The following AGMO variants were observed in gnomAD, a reference collection of about 807,000 sequenced individuals.
AGMO encodes alkylglycerol monooxygenase.
AGMO carries 75 observed loss-of-function variants against 60.2 expected under a neutral mutation model. The observed-to-expected ratio is 1.25, with a 90% CI of 1.03 to 1.51. AGMO has a LOEUF of 1.51. Among genes scored for constraint, AGMO ranks in the 40% most tolerant of loss-of-function variants. The pLI, the probability that AGMO is intolerant of heterozygous loss-of-function variation, is 0.00. For missense variants in AGMO, 763 were observed against 525.5 expected (o/e 1.45, Z -4.42); for synonymous variants, 261 against 177.1 (o/e 1.47, Z -3.76).
At chr7:15,366,995 G>C (rs918338475) in intron 10 of AGMO, among the ~76,000 whole-genome samples, 1 of 151,966 alleles carries the variant, frequency 6.6e-6, no homozygotes, top group Non-Finnish European at 1.5e-5. Context: ...GCAGATACTA[G>C]AATTCTAATT....
chr7:15,402,506 A>G lies in AGMO; in HGVS notation c.610-8327T>C, dbSNP rs533459052. Among the ~76,000 whole-genome samples the G allele has an allele frequency of 9.7e-4, 147 of 150,986 alleles. 1 individual carries two copies. Among genetic ancestry groups the G allele is most frequent in the Admixed American group, 6.1e-3 (92 of 15,094 alleles). ...ATAAATATTTCTGTGCTCCTTCAATAAGATATTCCCATATTCTCATTTGCA... is the reference window on the plus strand; with the variant it reads ...ATAAATATTTCTGTGCTCCTTCAATGAGATATTCCCATATTCTCATTTGCA... On this transcript the variant is annotated intron_variant, in intron 5 of 12. Transcript: ENST00000342526.
At chr7:15,526,781 G>A (rs1359509211) in intron 3 of AGMO, among the ~76,000 whole-genome samples, 1 of 152,112 alleles carries the variant, frequency 6.6e-6, no homozygotes, top group Non-Finnish European at 1.5e-5. Context: ...CTTGTGTCTA[G>A]CAATTTTATC....
At chr7:15,270,916 G>C (rs1455742693) in intron 12 of AGMO, among the ~76,000 whole-genome samples, 1 of 151,866 alleles carries the variant, frequency 6.6e-6, no homozygotes, top group Non-Finnish European at 1.5e-5. Flanking sequence ...TTAGTGAATA[G>C]GGTGTCATTT....
chr7:15,134,691 C>G, the AGMO span, among the ~76,000 whole-genome samples: 1 of 152,076 alleles, frequency 6.6e-6, no homozygotes, highest in South Asian at 2.1e-4. Context: ...TTTTCTTTAT[C>G]TGGTCTACCT....
At chr7:15,378,448 T>C (rs898636748) in intron 10 of AGMO, among the ~76,000 whole-genome samples, 7 of 151,972 alleles carry the variant, frequency 4.6e-5, no homozygotes, top group Admixed American at 2.0e-4. Flanking sequence ...AATTGCTTGG[T>C]AGTGTTTTCT....
intron 10 of AGMO, among the ~76,000 whole-genome samples, chr7:15,371,408 G>C (rs4640951): frequency 1.3e-5 from 2 of 149,516 alleles, no homozygotes; most frequent in East Asian, 2.0e-4. Flanking sequence ...TTTTTTCTTC[G>C]AGACAGAATT....
intron 12 of AGMO, among the ~76,000 whole-genome samples, chr7:15,259,283 G>A (rs1012534185): frequency 6.6e-6 from 1 of 151,736 alleles, no homozygotes; most frequent in Non-Finnish European, 1.5e-5. Flanking sequence ...CTCAGCAATA[G>A]AATTGAACAA....
intron 12 of AGMO, among the ~76,000 whole-genome samples, chr7:15,262,015 A>C (rs1563059336): frequency 6.6e-6 from 1 of 152,038 alleles, no homozygotes; most frequent in Non-Finnish European, 1.5e-5. Flanking sequence ...AAAGCCATCT[A>C]CAACAAACCC....
intron 12 of AGMO, among the ~76,000 whole-genome samples, chr7:15,202,161 C>G (rs1781307521): frequency 6.6e-6 from 1 of 151,994 alleles, no homozygotes; most frequent in African/African-American, 2.4e-5. Context: ...GCAGGAGTTT[C>G]TCTATATTTT....
chr7:15,387,764 A>G (rs1783977177), intron 8 of AGMO, among the ~76,000 whole-genome samples: 2 of 152,212 alleles, frequency 1.3e-5, no homozygotes, highest in Non-Finnish European at 2.9e-5. Context: ...GTTCAATAAA[A>G]TTATAATTTT....
intron 3 of AGMO, among the ~76,000 whole-genome samples, chr7:15,544,040 A>G (rs748035792): frequency 6.6e-6 from 1 of 152,096 alleles, no homozygotes; most frequent in Non-Finnish European, 1.5e-5. Flanking sequence ...CTACTCAGCC[A>G]TAAAAAGGAA....
intron 12 of AGMO, among the ~76,000 whole-genome samples, chr7:15,261,170 C>T (rs1034074398): frequency 2.6e-5 from 4 of 151,754 alleles, no homozygotes; most frequent in African/African-American, 9.7e-5. Context: ...CAGAGCAGAA[C>T]TAAATGAAAT....
At chr7:15,140,635 C>T in the AGMO span, among the ~76,000 whole-genome samples, 5 of 151,946 alleles carry the variant, frequency 3.3e-5, no homozygotes, top group Admixed American at 1.3e-4. Context: ...TCTAGTTCAT[C>T]GGTTCTCTCT....
chr7:15,184,127 A>G, the AGMO span, among the ~76,000 whole-genome samples: 1 of 152,170 alleles, frequency 6.6e-6, no homozygotes, highest in African/African-American at 2.4e-5. Flanking sequence ...AAAAGTCTCA[A>G]TGTAAATTCT....
chr7:15,481,789 A>AAT (rs1244070881), intron 3 of AGMO, among the ~76,000 whole-genome samples: 1 of 98,706 alleles, frequency 1.0e-5, no homozygotes, highest in Non-Finnish European at 2.1e-5. Context: ...GACTAAATGT[A>AAT]TTTTTTTTTT....
At chr7:15,127,430 C>T in the AGMO span, among the ~76,000 whole-genome samples, 1 of 152,028 alleles carries the variant, frequency 6.6e-6, no homozygotes, top group Non-Finnish European at 1.5e-5. Flanking sequence ...GTAAATAAAT[C>T]TTCAGAAAAA....
At chr7:15,270,995 G>A (rs868330831) in intron 12 of AGMO, among the ~76,000 whole-genome samples, 2 of 151,720 alleles carry the variant, frequency 1.3e-5, no homozygotes, top group Non-Finnish European at 2.9e-5. Context: ...TTATTTCTAG[G>A]TTTTCTATTC....
At chr7:15,444,620 C>T (rs1781650519) in intron 3 of AGMO, among the ~76,000 whole-genome samples, 2 of 152,200 alleles carry the variant, frequency 1.3e-5, no homozygotes, top group Admixed American at 6.5e-5. Flanking sequence ...TCTCCTCCAT[C>T]TCTGCTCCAA....
At chr7:15,216,086 C>A (rs748377438) in intron 12 of AGMO, among the ~76,000 whole-genome samples, 1 of 152,016 alleles carries the variant, frequency 6.6e-6, no homozygotes, top group Non-Finnish European at 1.5e-5. Flanking sequence ...AAGGCTCACA[C>A]ATACACAAAG....
Sources: gnomAD v4.1 joint callset for allele counts (sites outside exome capture counted in the v4.1 genomes callset) on GRCh38, gnomAD v4.1.1 for gene constraint, MANE v1.5 for transcripts, NCBI Gene and HGNC (gene_info 2026-07-23, HGNC 2026-07-21) for gene names.